PBX1: variants seen among roughly 807,000 people sequenced by gnomAD.
PBX1 encodes PBX homeobox 1.
Under a neutral mutation model 53.4 loss-of-function variants are expected in PBX1, and 6 were observed. That is an observed-to-expected ratio of 0.11 (90% CI 0.06 to 0.22). The LOEUF (loss-of-function observed/expected upper bound fraction) is 0.22, where lower values mean the gene tolerates loss of function less well. Ranked by LOEUF, PBX1 falls within the 10% of genes least tolerant of loss-of-function variation. PBX1 has a pLI of 1.00. For missense variants in PBX1, 251 were observed against 551.4 expected (o/e 0.46, Z 5.46); for synonymous variants, 204 against 212.3 (o/e 0.96, Z 0.34).
rs1431506039 is a variant in PBX1, at chr1:164,849,971, A to G, written c.*3295A>G. The G allele has an allele frequency of 8.8e-6, 2 of 228,106 alleles. No individual in the cohort carries two copies. Among genetic ancestry groups the G allele is most frequent in the Admixed American group, 1.1e-4 (2 of 17,610 alleles). 14.1% of individuals were successfully genotyped at this position (228,106 alleles called of 1,614,324 possible). On this transcript the variant is annotated 3_prime_UTR_variant, in exon 9 of 9. Transcript: ENST00000420696. Reference sequence around the variant, plus strand: ...TTAACATTTTCCATTGTTTCTTGCGACTTGTGTCTCGTTCTTTGTAGTATT... The same window carrying G: ...TTAACATTTTCCATTGTTTCTTGCGGCTTGTGTCTCGTTCTTTGTAGTATT...
chr1:164,697,495 G>A (rs572867483), intron 2 of PBX1, among the ~76,000 whole-genome samples: 96 of 151,820 alleles, frequency 6.3e-4, no homozygotes, highest in African/African-American at 2.1e-3. Flanking sequence ...ATTTTTATAC[G>A]TCCCCTTCTC....
At chr1:164,726,241 C>G (rs1364045380) in intron 2 of PBX1, among the ~76,000 whole-genome samples, 3 of 152,194 alleles carry the variant, frequency 2.0e-5, no homozygotes, top group Non-Finnish European at 4.4e-5. Flanking sequence ...GGAACAGAAT[C>G]TTTTGATTCA....
chr1:164,659,987 T>A (rs528307369), intron 2 of PBX1, among the ~76,000 whole-genome samples: 9 of 152,128 alleles, frequency 5.9e-5, no homozygotes, highest in Non-Finnish European at 1.2e-4. Flanking sequence ...TCCAATAAAT[T>A]CCTTTCCTGG....
chr1:164,640,157 C>T (rs1255363255), intron 2 of PBX1, among the ~76,000 whole-genome samples: 1 of 152,094 alleles, frequency 6.6e-6, no homozygotes, highest in Non-Finnish European at 1.5e-5. Flanking sequence ...CAGCCTGGCT[C>T]CTGGAGGTCT....
chr1:164,829,845 C>T (rs1383930989), intron 8 of PBX1: 1 of 150,802 alleles, frequency 6.6e-6, no homozygotes, highest in Middle Eastern at 3.4e-3. Context: ...AACTAAGTAC[C>T]GTTAACATAC....
chr1:164,608,804 C>T (rs1428412494), intron 2 of PBX1, among the ~76,000 whole-genome samples: 1 of 152,096 alleles, frequency 6.6e-6, no homozygotes, highest in African/African-American at 2.4e-5. Flanking sequence ...TGCAGGGGGC[C>T]ACAGGCAGCA....
intron 8 of PBX1, chr1:164,828,677 G>GTT (rs141046730): frequency 1.4e-5 from 2 of 146,712 alleles, no homozygotes; most frequent in African/African-American, 2.5e-5. Context: ...AAAGGGATAG[G>GTT]TTTTTTTTTT....
intron 2 of PBX1, among the ~76,000 whole-genome samples, chr1:164,603,474 A>G (rs1409059097): frequency 1.6e-4 from 24 of 152,212 alleles, no homozygotes; most frequent in Admixed American, 1.6e-3. Flanking sequence ...GATATGGGAT[A>G]ATCTTCACTT....
intron 2 of PBX1, among the ~76,000 whole-genome samples, chr1:164,715,223 G>T (rs917929314): frequency 6.6e-6 from 1 of 152,160 alleles, no homozygotes; most frequent in Non-Finnish European, 1.5e-5. Context: ...CTTCTAAGTT[G>T]TGTGCACATT....
intron 8 of PBX1, among the ~76,000 whole-genome samples, chr1:164,836,736 G>A (rs1671058347): frequency 6.6e-6 from 1 of 152,074 alleles, no homozygotes; most frequent in Non-Finnish European, 1.5e-5. Flanking sequence ...AACACTAAAT[G>A]GCATTTGAGT....
chr1:164,845,653 G>C (rs1208132902), intron 8 of PBX1, among the ~76,000 whole-genome samples: 1 of 152,164 alleles, frequency 6.6e-6, no homozygotes, highest in Non-Finnish European at 1.5e-5. Context: ...TTTTTTGAAA[G>C]GGGTGGTTAC....
At chr1:164,604,204 G>A (rs956523625) in intron 2 of PBX1, among the ~76,000 whole-genome samples, 2 of 152,062 alleles carry the variant, frequency 1.3e-5, no homozygotes, top group Non-Finnish European at 1.5e-5. Context: ...GCTTCCCAAA[G>A]TGCTATGATT....
intron 2 of PBX1, among the ~76,000 whole-genome samples, chr1:164,596,239 A>G (rs562635361): frequency 6.6e-6 from 1 of 152,306 alleles, no homozygotes; most frequent in South Asian, 2.1e-4. Context: ...TCACATTGAC[A>G]TACAAATTCA....
chr1:164,792,829 A>G (rs918529673), intron 3 of PBX1, 91 bp downstream of exon 3: 1 of 989,230 alleles, frequency 1.0e-6, no homozygotes, highest in Non-Finnish European at 1.5e-6. Context: ...GGAGCGGCTC[A>G]CCTTTCCCAG....
chr1:164,666,711 A>G (rs571855793), intron 2 of PBX1, among the ~76,000 whole-genome samples: 2 of 152,314 alleles, frequency 1.3e-5, no homozygotes, highest in East Asian at 3.9e-4. Context: ...GAAGGAGAGG[A>G]TTCCTGGGAG....
Position 164,848,313 on chromosome 1 carries a change from T to G in PBX1, c.*1637T>G. On this transcript the variant is annotated 3_prime_UTR_variant, in exon 9 of 9. Coordinates refer to ENST00000420696, the MANE Select transcript of PBX1 (RefSeq NM_002585.4). ...AAAGATGGCAGCTCTATCACTTGAT[T>G]AAGTGGGAGGTGGTCAAATATTTTG... 1.9e-6 allele frequency: 2 copies of G among 1,057,304 alleles called. No individual in the cohort carries two copies. Among genetic ancestry groups the G allele is most frequent in the Non-Finnish European group, 2.3e-6 (2 of 874,360 alleles). The allele number at this position is 1,057,304 out of a possible 1,614,324, so 65.5% of individuals were successfully genotyped here.
chr1:164,587,772 T>G (rs1306015847), intron 2 of PBX1, among the ~76,000 whole-genome samples: 23 of 152,158 alleles, frequency 1.5e-4, no homozygotes, highest in Admixed American at 1.5e-3. Context: ...CTTGCAGCAG[T>G]CCGGCACATA....
intron 4 of PBX1, among the ~76,000 whole-genome samples, chr1:164,801,761 C>T (rs962858865): frequency 1.3e-5 from 2 of 152,174 alleles, no homozygotes; most frequent in African/African-American, 2.4e-5. Flanking sequence ...AGATTCAAAA[C>T]GAAAACAACT....
At chr1:164,882,762 A>G (rs75609484) in intron 2 of PBX1, among the ~76,000 whole-genome samples, 3,005 of 152,288 alleles carry the variant, frequency 0.02, 113 homozygotes, top group African/African-American at 0.063. Flanking sequence ...ATAATCAAGG[A>G]CATCAGTAAC....
Sources: gnomAD v4.1 joint callset for allele counts (sites outside exome capture counted in the v4.1 genomes callset) on GRCh38, gnomAD v4.1.1 for gene constraint, MANE v1.5 for transcripts, NCBI Gene and HGNC (gene_info 2026-07-23, HGNC 2026-07-21) for gene names.